Variants in PALM2AKAP2 observed in about 807,000 individuals in gnomAD.
PALM2AKAP2 encodes the protein PALM2 and AKAP2 fusion.
In PALM2AKAP2, 37 loss-of-function variants were observed where a neutral mutation model predicts 71.5. The ratio of observed to expected loss-of-function variants is 0.52; its 90% CI spans 0.40 to 0.68. The LOEUF is 0.68. Among genes scored for constraint, PALM2AKAP2 ranks in the 30% least tolerant of loss-of-function variants. The probability of loss-of-function intolerance (pLI) is 0.00; values close to 1 mark genes in which losing one functional copy is unlikely to be tolerated. For synonymous variants in PALM2AKAP2, 468 were observed against 478.8 expected (o/e 0.98, Z 0.29); for missense variants, 1,224 against 1,191.8 (o/e 1.03, Z -0.40).
intron 1 of PALM2AKAP2, among the ~76,000 whole-genome samples, chr9:109,754,819 T>C (rs1306876654): frequency 6.6e-6 from 1 of 152,128 alleles, no homozygotes; most frequent in Non-Finnish European, 1.5e-5. Context: ...CCCGAAGGCC[T>C]CAACTCCAAA....
intron 6 of PALM2AKAP2, among the ~76,000 whole-genome samples, chr9:109,973,029 T>C (rs1239536255): frequency 1.3e-5 from 2 of 152,134 alleles, no homozygotes; most frequent in African/African-American, 4.8e-5. Flanking sequence ...GAATCAATAA[T>C]CCATGAAAGA....
intron 1 of PALM2AKAP2, chr9:109,847,625 C>T (rs1270591606): frequency 6.6e-6 from 1 of 152,144 alleles, no homozygotes; most frequent in Non-Finnish European, 1.5e-5. Flanking sequence ...CCTGTAGTCC[C>T]AGCCACTCGG....
chr9:109,701,921 G>C (rs1359460787), intron 1 of PALM2AKAP2, among the ~76,000 whole-genome samples: 1 of 152,110 alleles, frequency 6.6e-6, no homozygotes, highest in East Asian at 1.9e-4. Flanking sequence ...CCATCAAAAA[G>C]TGGGCAAAGG....
At chr9:110,058,898 G>GTTTTTTTTT (rs202140304) in intron 1 of PALM2AKAP2, among the ~76,000 whole-genome samples, 5 of 111,732 alleles carry the variant, frequency 4.5e-5, no homozygotes, top group African/African-American at 7.1e-5. Context: ...AAGTTTTTTG[G>GTTTTTTTTT]TTTTTTTTTT....
chr9:109,814,636 G>T (rs1470831001), intron 1 of PALM2AKAP2, among the ~76,000 whole-genome samples: 1 of 152,204 alleles, frequency 6.6e-6, no homozygotes, highest in African/African-American at 2.4e-5. Flanking sequence ...TTAGAAGGTG[G>T]TGTGGGACAA....
chr9:109,815,662 G>A (rs1827833626), intron 1 of PALM2AKAP2, among the ~76,000 whole-genome samples: 1 of 152,206 alleles, frequency 6.6e-6, no homozygotes, highest in Non-Finnish European at 1.5e-5. Context: ...CAACTAGAAG[G>A]TAACTGGTGG....
At chr9:110,108,744 G>A (rs945296655) in intron 1 of PALM2AKAP2, among the ~76,000 whole-genome samples, 1 of 152,138 alleles carries the variant, frequency 6.6e-6, no homozygotes, top group African/African-American at 2.4e-5. Context: ...TAATGCCACT[G>A]CATTGTACAC....
intron 1 of PALM2AKAP2, among the ~76,000 whole-genome samples, chr9:109,792,406 C>T (rs1403078906): frequency 3.3e-5 from 5 of 152,212 alleles, no homozygotes; most frequent in South Asian, 4.1e-4. Flanking sequence ...GGATTATAGG[C>T]ATGTGCCATT....
At chr9:109,662,021 C>G (rs1025534747) in intron 1 of PALM2AKAP2, among the ~76,000 whole-genome samples, 1 of 152,094 alleles carries the variant, frequency 6.6e-6, no homozygotes, top group African/African-American at 2.4e-5. Context: ...GATTTTGTAT[C>G]CTGAGACTTT....
At chr9:109,954,660 A>T (rs1486704077) in intron 6 of PALM2AKAP2, among the ~76,000 whole-genome samples, 8 of 12,302 alleles carry the variant, frequency 6.5e-4, no homozygotes, top group East Asian at 7.2e-3. Flanking sequence ...AAGTATAATA[A>T]AAAAAAAAAA....
intron 1 of PALM2AKAP2, among the ~76,000 whole-genome samples, chr9:109,701,328 A>G (rs2118581871): frequency 6.6e-6 from 1 of 152,290 alleles, no homozygotes; most frequent in Middle Eastern, 3.4e-3. Context: ...GCATCACACT[A>G]CCTGACTTCA....
intron 1 of PALM2AKAP2, among the ~76,000 whole-genome samples, chr9:110,115,512 T>G (rs1835343378): frequency 6.6e-6 from 1 of 152,192 alleles, no homozygotes. Context: ...CCCCAGTGCC[T>G]GTCCTGATCC....
chr9:109,651,788 C>A (rs1827228489), intron 1 of PALM2AKAP2, among the ~76,000 whole-genome samples: 1 of 152,144 alleles, frequency 6.6e-6, no homozygotes, highest in East Asian at 1.9e-4. Context: ...TTATATATAA[C>A]TTATAATAAA....
upstream of PALM2AKAP2, among the ~76,000 whole-genome samples, chr9:110,045,656 C>T (rs539014592): frequency 1.3e-5 from 2 of 152,216 alleles, no homozygotes; most frequent in African/African-American, 2.4e-5. Flanking sequence ...CAATCTCTGC[C>T]GCCCGTGTTC....
At chr9:109,944,660 G>A (rs1208549084) in intron 6 of PALM2AKAP2, 1 of 152,052 alleles carries the variant, frequency 6.6e-6, no homozygotes, top group African/African-American at 2.4e-5. Context: ...GTGGCACATA[G>A]CTGAGCTTCT....
chr9:109,670,415 C>T (rs574644065), intron 1 of PALM2AKAP2, among the ~76,000 whole-genome samples: 1 of 152,272 alleles, frequency 6.6e-6, no homozygotes, highest in African/African-American at 2.4e-5. Flanking sequence ...TAATGGCCTT[C>T]AGCTCCATCC....
At chr9:109,718,115 CT>C (rs545324746) in intron 1 of PALM2AKAP2, among the ~76,000 whole-genome samples, 250 of 152,164 alleles carry the variant, frequency 1.6e-3, no homozygotes, top group Non-Finnish European at 3.2e-3. Flanking sequence ...GGGTCTCATT[CT>C]GTCGCCCAGG....
intron 6 of PALM2AKAP2, among the ~76,000 whole-genome samples, chr9:109,970,410 C>A (rs1832043838): frequency 6.6e-6 from 1 of 152,156 alleles, no homozygotes; most frequent in African/African-American, 2.4e-5. Context: ...TGCCTTAGAG[C>A]ACTCAGGAGG....
intron 1 of PALM2AKAP2, among the ~76,000 whole-genome samples, chr9:110,072,868 G>A (rs1183340100): frequency 1.3e-5 from 2 of 152,056 alleles, no homozygotes; most frequent in African/African-American, 4.8e-5. Context: ...CTTTTCCTCT[G>A]GCCTACCTAG....
Sources: gnomAD v4.1 joint callset for allele counts (sites outside exome capture counted in the v4.1 genomes callset) on GRCh38, gnomAD v4.1.1 for gene constraint, MANE v1.5 for transcripts, NCBI Gene and HGNC (gene_info 2026-07-23, HGNC 2026-07-21) for gene names.